The following PCDHGA3 variants were observed in gnomAD, a reference collection of about 807,000 sequenced individuals.
PCDHGA3 encodes the protein protocadherin gamma-A3.
PCDHGA3 carries 40 observed loss-of-function variants against 58.5 expected under a neutral mutation model. The ratio of observed to expected loss-of-function variants is 0.68; its 90% CI spans 0.53 to 0.89. The LOEUF (loss-of-function observed/expected upper bound fraction) is 0.89, where lower values mean the gene tolerates loss of function less well. PCDHGA3 is among the 40% of genes least tolerant of loss of function. The pLI, the probability that PCDHGA3 is intolerant of heterozygous loss-of-function variation, is 0.00. For synonymous variants in PCDHGA3, 530 were observed against 525.7 expected (o/e 1.01, Z -0.11); for missense variants, 1,223 against 1,195.9 (o/e 1.02, Z -0.33).
intron 1 of PCDHGA3, chr5:141,385,218 C>G (rs765263628): frequency 6.2e-7 from 1 of 1,614,234 alleles, no homozygotes; most frequent in South Asian, 1.1e-5. Flanking sequence ...TCCCCCAGCC[C>G]AACTATGTAG....
chr5:141,383,043 C>T, intron 1 of PCDHGA3: 1 of 1,613,860 alleles, frequency 6.2e-7, no homozygotes, highest in Non-Finnish European at 8.5e-7. Flanking sequence ...TGGGAGACAT[C>T]GCCAAGGACC....
At position 141,400,328 on chromosome 5, in the gene PCDHGA3, T is replaced by A. The variant is rs754904671; in HGVS notation, c.2424+53871T>A. ...GGTCTCTGTGTCAAGTCTGGACCTG[T>A]GGTTCCCCCCAACTACAGTCAGGGG... On this transcript the variant is annotated intron_variant, in intron 1 of 3. Coordinates refer to ENST00000253812, the MANE Select transcript of PCDHGA3 (RefSeq NM_018916.4). 80 of 1,613,976 alleles carry A rather than the reference T, an allele frequency of 5.0e-5. No homozygotes were observed. Among genetic ancestry groups the A allele is most frequent in the Non-Finnish European group, 6.4e-5 (76 of 1,179,916 alleles).
At chr5:141,353,009 A>G (rs967480372) in intron 1 of PCDHGA3, among the ~76,000 whole-genome samples, 2 of 152,144 alleles carry the variant, frequency 1.3e-5, no homozygotes, top group Admixed American at 1.3e-4. Context: ...AACAAAAATT[A>G]TATATTGCAT....
At position 141,368,797 on chromosome 5, in the gene PCDHGA3, A is replaced by G. The variant is rs560030013; in HGVS notation, c.2424+22340A>G. On this transcript the variant is annotated intron_variant, in intron 1 of 3. Coordinates refer to ENST00000253812, the MANE Select transcript of PCDHGA3 (RefSeq NM_018916.4). ...TGTGTTCTGAAGAATAATTTTTCAT[A>G]CTAATTGAAGTGTTCATACAATGAA... Among the ~76,000 whole-genome samples, 8 of 152,330 alleles carry G rather than the reference A, an allele frequency of 5.3e-5. No individual in the cohort carries two copies. The South Asian group carries it at 1.7e-3, about 32-fold the overall frequency.
At chr5:141,351,417 T>A (rs1401695634) in intron 1 of PCDHGA3, 1 of 1,611,340 alleles carries the variant, frequency 6.2e-7, no homozygotes, top group African/African-American at 1.3e-5. Flanking sequence ...CAGGAAGAAG[T>A]TCCTTTCAAA....
intron 1 of PCDHGA3, chr5:141,409,483 G>C: frequency 6.2e-7 from 1 of 1,613,944 alleles, no homozygotes; most frequent in Non-Finnish European, 8.5e-7. Context: ...CCACTGACAG[G>C]GGCAAGCCGC....
chr5:141,352,388 C>G (rs1021854619), intron 1 of PCDHGA3: 2 of 1,614,058 alleles, frequency 1.2e-6, no homozygotes, highest in Non-Finnish European at 8.5e-7. Flanking sequence ...GATCGCCCTG[C>G]GCCTGCGACG....
chr5:141,388,652 C>A (rs1388425962), intron 1 of PCDHGA3: 1 of 1,613,844 alleles, frequency 6.2e-7, no homozygotes, highest in Non-Finnish European at 8.5e-7. Flanking sequence ...AAAACGTGTA[C>A]CCGGGGACCA....
intron 1 of PCDHGA3, chr5:141,355,729 T>G: frequency 6.2e-7 from 1 of 1,614,026 alleles, no homozygotes; most frequent in Non-Finnish European, 8.5e-7. Context: ...CTCAAACGGT[T>G]ACTTTTCCCT....
intron 1 of PCDHGA3, chr5:141,355,788 G>A: frequency 6.2e-7 from 1 of 1,613,646 alleles, no homozygotes; most frequent in Non-Finnish European, 8.5e-7. Flanking sequence ...AGCTGGTGCT[G>A]GAACGCGCTC....
rs1028782991 is a variant in PCDHGA3, at chr5:141,503,926, C to T, written c.2484-1467C>T. 2.6e-5 allele frequency among the ~76,000 whole-genome samples: 4 copies of T among 152,196 alleles called. No individual in the cohort carries two copies. The East Asian group carries it at 7.7e-4, about 29-fold the overall frequency. ...ACACACAACGCAACACACACACAGA[C>T]ATTTTCATGCCTTCAAGGCCTACCC... On this transcript the variant is annotated intron_variant, in intron 2 of 3. Coordinates refer to ENST00000253812, the MANE Select transcript of PCDHGA3 (RefSeq NM_018916.4).
At chr5:141,352,846 G>C (rs1759124733) in intron 1 of PCDHGA3, among the ~76,000 whole-genome samples, 1 of 152,124 alleles carries the variant, frequency 6.6e-6, no homozygotes, top group African/African-American at 2.4e-5. Context: ...AAATTAGTTG[G>C]GTGTGGTGGC....
intron 1 of PCDHGA3, among the ~76,000 whole-genome samples, chr5:141,452,165 C>G (rs917431071): frequency 2.6e-5 from 4 of 152,120 alleles, no homozygotes; most frequent in African/African-American, 9.7e-5. Flanking sequence ...TATTCTATTA[C>G]TAACATTTTT....
Position 141,345,386 on chromosome 5 carries a change from C to G in PCDHGA3, c.1353C>G (p.Thr451=), listed in dbSNP as rs1329781045. The change falls in exon 1 of 4, where the codon ACC becomes ACG. Residue 451 remains threonine, a synonymous_variant. Transcript: ENST00000253812. ...TTGACATCAATGACAACCCACCCACCTTCCCTCATTTATCCTACTCCGCCT... is the reference window on the plus strand; with the variant it reads ...TTGACATCAATGACAACCCACCCACGTTCCCTCATTTATCCTACTCCGCCT... The part of the protein sequence containing the change: ...HVIDINDNPP[T]FPHLSYSAYI... The G allele has an allele frequency of 6.2e-7, 1 of 1,614,122 alleles. No individual in the cohort carries two copies. Among genetic ancestry groups the G allele is most frequent in the Non-Finnish European group, 8.5e-7 (1 of 1,180,030 alleles).
intron 1 of PCDHGA3, chr5:141,394,616 C>G: frequency 6.2e-7 from 1 of 1,613,490 alleles, no homozygotes; most frequent in Non-Finnish European, 8.5e-7. Flanking sequence ...CGGGCCAGAA[C>G]GCCTGGCTGT....
chr5:141,447,023 G>GTTT, intron 1 of PCDHGA3, among the ~76,000 whole-genome samples: 1 of 151,542 alleles, frequency 6.6e-6, no homozygotes, highest in African/African-American at 2.4e-5. Context: ...GTTTTGTTTT[G>GTTT]TTTTTTTTCT....
Position 141,384,108 on chromosome 5 carries a change from AT to A in PCDHGA3, c.2424+37653del. 1.9e-6 allele frequency: 3 copies of A among 1,603,570 alleles called. No individual in the cohort carries two copies. In the East Asian group the frequency reaches 6.8e-5, roughly 36 times the overall value. Reference sequence around the variant, plus strand: ...AAAAATCAATAGATAATTATTATAGATTGGTCACAACCAAAAACTTGGACCG... The same window carrying A: ...AAAAATCAATAGATAATTATTATAGATGGTCACAACCAAAAACTTGGACCG... On this transcript the variant is annotated intron_variant, in intron 1 of 3. Transcript: ENST00000253812.
rs569451436 is a variant in PCDHGA3, at chr5:141,389,774, A to G, written c.2424+43317A>G. The G allele has an allele frequency of 2.5e-6, 4 of 1,613,170 alleles. No individual in the cohort carries two copies. The African/African-American group carries it at 5.3e-5, about 21-fold the overall frequency. On this transcript the variant is annotated intron_variant, in intron 1 of 3. Transcript: ENST00000253812. ...GCGAAGTGCGCACAGCGCGTGCCTTAGGCGACAGGGACGCCGTCCGCCAGC... is the reference window on the plus strand; with the variant it reads ...GCGAAGTGCGCACAGCGCGTGCCTTGGGCGACAGGGACGCCGTCCGCCAGC...
intron 1 of PCDHGA3, among the ~76,000 whole-genome samples, chr5:141,452,054 C>A (rs578157525): frequency 6.4e-4 from 97 of 152,196 alleles, no homozygotes; most frequent in African/African-American, 2.2e-3. Flanking sequence ...TTTGTAATAA[C>A]TTATTCTACT....
Sources: allele counts gnomAD v4.1 joint callset (sites outside exome capture counted in the v4.1 genomes callset), GRCh38; gene constraint gnomAD v4.1.1; transcripts MANE v1.5; gene names NCBI Gene and HGNC (gene_info 2026-07-23, HGNC 2026-07-21).